The following ANO4 variants were observed in gnomAD, a reference collection of about 807,000 sequenced individuals.
The protein encoded by ANO4 is anoctamin 4.
A neutral mutation model predicts 141.9 loss-of-function variants in ANO4; 69 were observed. The observed-to-expected ratio is 0.49, with a 90% CI of 0.40 to 0.59. The LOEUF (loss-of-function observed/expected upper bound fraction) is 0.59, where lower values mean the gene tolerates loss of function less well. ANO4 is among the 20% of genes least tolerant of loss of function. ANO4 has a pLI of 0.00. For synonymous variants in ANO4, 350 were observed against 394.3 expected (o/e 0.89, Z 1.33); for missense variants, 894 against 1,162.2 (o/e 0.77, Z 3.36).
At chr12:100,892,619 T>C (rs1324843971) in intron 1 of ANO4, among the ~76,000 whole-genome samples, 1 of 152,188 alleles carries the variant, frequency 6.6e-6, no homozygotes, top group African/African-American at 2.4e-5. Context: ...TCAAGTCCCT[T>C]ACATGAAATA....
At chr12:100,768,022 C>G (rs770414286) in intron 3 of ANO4, among the ~76,000 whole-genome samples, 1 of 152,140 alleles carries the variant, frequency 6.6e-6, no homozygotes, top group African/African-American at 2.4e-5. Flanking sequence ...GGGTGCCGCC[C>G]TGGTCCCTTG....
At chr12:100,795,976 A>T (rs1482880889) in intron 1 of ANO4, among the ~76,000 whole-genome samples, 1 of 152,110 alleles carries the variant, frequency 6.6e-6, no homozygotes, top group East Asian at 1.9e-4. Context: ...CGCCCAAAGG[A>T]AACCAAGAAC....
intron 2 of ANO4, among the ~76,000 whole-genome samples, chr12:100,908,343 G>T (rs1421136873): frequency 6.6e-6 from 1 of 152,090 alleles, no homozygotes; most frequent in Admixed American, 6.5e-5. Context: ...GCAAAACTCT[G>T]TCTCAAAAAA....
upstream of ANO4, among the ~76,000 whole-genome samples, chr12:100,793,309 C>T (rs1262050680): frequency 6.6e-6 from 1 of 152,192 alleles, no homozygotes; most frequent in East Asian, 1.9e-4. Context: ...ACTATCCTTT[C>T]TTCTTCGTTT....
chr12:100,761,952 A>G (rs973816781), intron 3 of ANO4, among the ~76,000 whole-genome samples: 1 of 152,008 alleles, frequency 6.6e-6, no homozygotes, highest in Non-Finnish European at 1.5e-5. Context: ...TTTCCTTTCC[A>G]GAGCTCATAG....
intron 26 of ANO4, among the ~76,000 whole-genome samples, chr12:101,125,509 A>G (rs1459102807): frequency 2.0e-5 from 3 of 152,178 alleles, no homozygotes; most frequent in Admixed American, 6.5e-5. Context: ...ACTGCGTTGA[A>G]AAGGAGTGGT....
intron 5 of ANO4, among the ~76,000 whole-genome samples, chr12:100,966,853 A>G (rs2043685250): frequency 6.9e-6 from 1 of 145,946 alleles, no homozygotes; most frequent in African/African-American, 2.6e-5. Context: ...ACACACATAT[A>G]CACACATGTA....
chr12:100,724,351 T>C (rs2031009392), intron 1 of ANO4, among the ~76,000 whole-genome samples: 1 of 152,150 alleles, frequency 6.6e-6, no homozygotes, highest in Admixed American at 6.5e-5. Context: ...TTCTATGCAT[T>C]AGGCTGAGAC....
chr12:101,033,890 C>CATA (rs2047087656), intron 9 of ANO4, among the ~76,000 whole-genome samples: 1 of 152,166 alleles, frequency 6.6e-6, no homozygotes, highest in Non-Finnish European at 1.5e-5. Flanking sequence ...ATGAAGAAAG[C>CATA]TCAACATCAC....
intron 1 of ANO4, among the ~76,000 whole-genome samples, chr12:100,837,559 T>C (rs1272304024): frequency 3.3e-5 from 5 of 152,068 alleles, no homozygotes; most frequent in African/African-American, 4.8e-5. Context: ...GAGGATTGCT[T>C]GAGCCCAGGA....
chr12:101,013,507 T>G (rs1262915704), intron 8 of ANO4, among the ~76,000 whole-genome samples: 1 of 152,156 alleles, frequency 6.6e-6, no homozygotes, highest in East Asian at 1.9e-4. Flanking sequence ...TCCTGCTTAT[T>G]GTAATCAAGG....
rs570701354 is a variant in ANO4, at chr12:100,992,753, C to T, written c.734+5083C>T. Among the ~76,000 whole-genome samples, 26 of 152,276 alleles carry T rather than the reference C, an allele frequency of 1.7e-4. 1 individual carries two copies. The East Asian group carries it at 5.0e-3, about 29-fold the overall frequency. ...TGTATCTCCAATACCTAACACAATA[C>T]CTAGCATAAAATTGGCACACAATGC... On this transcript the variant is annotated intron_variant, in intron 8 of 27. Transcript: ENST00000392977.
chr12:101,023,698 TG>T (rs2046625297), intron 9 of ANO4, among the ~76,000 whole-genome samples: 1 of 152,002 alleles, frequency 6.6e-6, no homozygotes, highest in Non-Finnish European at 1.5e-5. Context: ...AAAAGAAAAT[TG>T]GTAATGATGA....
At chr12:100,726,966 C>CA (rs1426945337) in intron 1 of ANO4, among the ~76,000 whole-genome samples, 1 of 151,436 alleles carries the variant, frequency 6.6e-6, no homozygotes, top group Non-Finnish European at 1.5e-5. Context: ...CGGGACCCCC[C>CA]CCGCCCATTC....
intron 1 of ANO4, among the ~76,000 whole-genome samples, chr12:100,806,523 CGTTTTTTT>C (rs2035041996): frequency 1.6e-4 from 7 of 44,980 alleles, no homozygotes; most frequent in African/African-American, 4.4e-4. Context: ...TTTTTTGTTT[CGTTTTTTT>C]TTTTTTTTTT....
chr12:100,829,320 TC>T (rs1318686899), intron 1 of ANO4, among the ~76,000 whole-genome samples: 1 of 152,098 alleles, frequency 6.6e-6, no homozygotes, highest in Non-Finnish European at 1.5e-5. Flanking sequence ...TTTAATAACT[TC>T]TATCCCATAA....
At chr12:100,802,968 C>T (rs1397587603) in intron 1 of ANO4, among the ~76,000 whole-genome samples, 1 of 151,798 alleles carries the variant, frequency 6.6e-6, no homozygotes, top group Non-Finnish European at 1.5e-5. Flanking sequence ...GGTTTTTTTC[C>T]TCCTAGATAA....
rs774505976 is a variant in ANO4 at position 100,739,823 on chromosome 12, T to G, written c.107-31T>G. Reference sequence around the variant, plus strand: ...AAGCACACTATATGGCTTTGATTGCTGCCACTCACCTAATATGTTTATCTC... The same window carrying G: ...AAGCACACTATATGGCTTTGATTGCGGCCACTCACCTAATATGTTTATCTC... On this transcript the variant is annotated intron_variant, in intron 2 of 29. Transcript: ENST00000644049. 15 of 699,160 alleles carry G rather than the reference T, an allele frequency of 2.1e-5. No homozygotes were observed. In the South Asian group the frequency reaches 2.2e-4, roughly 10 times the overall value. 43.3% of individuals were successfully genotyped at this position (699,160 alleles called of 1,614,324 possible).
intron 3 of ANO4, among the ~76,000 whole-genome samples, chr12:100,780,200 A>G (rs538171234): frequency 1.2e-4 from 18 of 152,190 alleles, no homozygotes; most frequent in Middle Eastern, 3.4e-3. Context: ...AATTTCTTAG[A>G]CAGATGAGGT....
Sources: gnomAD v4.1 joint callset for allele counts (sites outside exome capture counted in the v4.1 genomes callset) on GRCh38, gnomAD v4.1.1 for gene constraint, MANE v1.5 for transcripts, NCBI Gene and HGNC (gene_info 2026-07-23, HGNC 2026-07-21) for gene names.